BCAM: variants seen among roughly 807,000 people sequenced by gnomAD.
BCAM encodes the protein basal cell adhesion molecule.
Under a neutral mutation model 72.4 loss-of-function variants are expected in BCAM, and 61 were observed. The observed-to-expected ratio is 0.84, with a 90% CI of 0.69 to 1.04. The LOEUF (loss-of-function observed/expected upper bound fraction) is 1.04. BCAM is among the 50% of genes least tolerant of loss of function. The probability of loss-of-function intolerance (pLI) is 0.00; values close to 1 mark genes in which losing one functional copy is unlikely to be tolerated. For missense variants in BCAM, 909 were observed against 895.0 expected, an observed-to-expected ratio of 1.02 and a Z score of -0.20; for synonymous variants, 408 against 384.2, an observed-to-expected ratio of 1.06 and a Z score of -0.73.
Position 44,818,773 on chromosome 19 carries a change from G to T in BCAM, c.1227G>T (p.Leu409=), listed in dbSNP as rs28399629. 3.1e-3 allele frequency: 4,958 copies of T among 1,614,074 alleles called. 144 individuals are homozygous for T. In the African/African-American group the frequency reaches 0.06, roughly 20 times the overall value. ...CTCCCCTGGGCGATGGCCCCATGCT[G>T]TCGCTCAGTTCTATCACCTTCGATT... ...DSTPLGDGPM[L]SLSSITFDSN... Residue 409 remains leucine, a synonymous_variant, in exon 10 of 15, where the codon CTG becomes CTT. Coordinates refer to ENST00000270233, the MANE Select transcript of BCAM (RefSeq NM_005581.5). The surrounding 1 kb of genome is among the most constrained non-coding windows in gnomAD (Gnocchi z 4.6).
intron 13 of BCAM, chr19:44,820,085 C>A: frequency 8.7e-7 from 1 of 1,146,260 alleles, no homozygotes. Context: ...ACCCTGCCCC[C>A]AATCTCCCCT....
At chr19:44,811,951 A>T (rs1208169127) in intron 2 of BCAM, 2 of 580,500 alleles carry the variant, frequency 3.4e-6, no homozygotes, top group Non-Finnish European at 6.0e-6. Context: ...AAGGGATGGG[A>T]CCGGAATGAG....
In BCAM at chr19:44,812,152, C is replaced by T. The variant is rs375887918; in HGVS notation, c.205-11C>T. On this transcript the variant is annotated splice_polypyrimidine_tract_variant and intron_variant, in intron 2 of 14. Coordinates refer to ENST00000270233, the MANE Select transcript of BCAM (RefSeq NM_005581.5). This position sits in a 1 kb window ranked among gnomAD's most constrained non-coding sequence, Gnocchi z 5.3. The stretch of plus-strand genomic sequence containing the variant: ...GACACCCGGAGCTGAGAGCCTGCCC[C>T]GCGCCCACAGACCGACCGCTCGGGA... The T allele has an allele frequency of 2.3e-5, 36 of 1,589,724 alleles. No homozygotes were observed. The highest frequency in any genetic ancestry group is 8.9e-5 in the Admixed American group (5 of 55,976).
Position 44,809,942 on chromosome 19 carries a change from C to G in BCAM, c.82+736C>G, listed in dbSNP as rs959549879. 1.2e-4 allele frequency among the ~76,000 whole-genome samples: 19 copies of G among 152,152 alleles called. 1 individual carries two copies. In the South Asian group the frequency reaches 2.9e-3, roughly 23 times the overall value. ...AGATTGGGGAAGAGAGAGGAACTCT[C>G]TGCCTCCACTTGTCTGCAGATCAGA... On this transcript the variant is annotated intron_variant, in intron 1 of 14. Transcript: ENST00000270233.
Position 44,812,806 on chromosome 19 carries a change from T to C in BCAM, c.504+258T>C. ...CTCTACTAAAGATACAAAAATTAGC[T>C]GGGTGTGTTGGTGTGCAACTGTAAT... On this transcript the variant is annotated intron_variant, in intron 4 of 14. Coordinates refer to ENST00000270233, the MANE Select transcript of BCAM (RefSeq NM_005581.5). The surrounding 1 kb of genome is among the most constrained non-coding windows in gnomAD (Gnocchi z 5.3). 1 of 493,696 alleles carries C rather than the reference T, an allele frequency of 2.0e-6. No homozygotes were observed. Among genetic ancestry groups the C allele is most frequent in the Admixed American group, 3.5e-5 (1 of 28,174 alleles). The allele number at this position is 493,696 out of a possible 1,614,324, so 30.6% of individuals were successfully genotyped here. A position where few individuals can be genotyped will look rare whatever the true frequency, so the allele number is the denominator to read the frequency against.
chr19:44,814,263 C>T lies in BCAM; in HGVS notation c.896C>T (p.Pro299Leu), dbSNP rs778105866. 67 of 1,595,766 alleles carry T rather than the reference C, an allele frequency of 4.2e-5. No individual in the cohort carries two copies. The highest frequency in any genetic ancestry group is 5.5e-5 in the Non-Finnish European group (65 of 1,175,774). ...TGCCGGGGGGACGGCAGCCCCAGCC[C>T]GGAGTATACGCTTTTCCGCCTTCAG... is the stretch of plus-strand genomic sequence containing the variant. ...LLCRGDGSPS[P>L]EYTLFRLQDE... The change falls in exon 7 of 15, where the codon CCG becomes CTG. Residue 299 changes from proline to leucine, a missense_variant. Transcript: ENST00000270233. This position sits in a 1 kb window ranked among gnomAD's most constrained non-coding sequence, Gnocchi z 4.6.
chr19:44,813,035 T>C lies in BCAM; in HGVS notation c.505-215T>C. The C allele has an allele frequency of 3.5e-6, 2 of 576,250 alleles. No homozygotes were observed. Among genetic ancestry groups the C allele is most frequent in the Non-Finnish European group, 6.1e-6 (2 of 328,000 alleles). The allele number at this position is 576,250 out of a possible 1,614,324, so 35.7% of individuals were successfully genotyped here. On this transcript the variant is annotated intron_variant, in intron 4 of 14. Coordinates refer to ENST00000270233, the MANE Select transcript of BCAM (RefSeq NM_005581.5). The surrounding 1 kb of genome is among the most constrained non-coding windows in gnomAD (Gnocchi z 4.2). ...TCCTGTGTCCTAGGAAGGAGAGAGCTGGGGGACCCAGAATCCTTGGTCCCT... is the reference window on the plus strand; with the variant it reads ...TCCTGTGTCCTAGGAAGGAGAGAGCCGGGGGACCCAGAATCCTTGGTCCCT...
Position 44,820,724 on chromosome 19 carries a change from C to T in BCAM, c.1783C>T (p.Leu595=). 5 of 1,441,722 alleles carry T rather than the reference C, an allele frequency of 3.5e-6. No individual in the cohort carries two copies. The highest frequency in any genetic ancestry group is 4.6e-6 in the Non-Finnish European group (5 of 1,091,326). The allele number at this position is 1,441,722 out of a possible 1,614,324, so 89.3% of individuals were successfully genotyped here. A position where few individuals can be genotyped will look rare whatever the true frequency, so the allele number is the denominator to read the frequency against. The change falls in exon 14 of 15, where the codon CTG becomes TTG. Residue 595 remains leucine (L), a synonymous_variant. Transcript: ENST00000270233. The part of the protein sequence containing the change: ...KGAPPPGEPG[L]SHSGSEQPEQ... ...CCCCAGGCCGCCAGGGGAGCCAGGG[C>T]TGAGCCACTCGGGGTCGGAGCAACC...
Position 44,813,108 on chromosome 19 carries a change from A to G in BCAM, c.505-142A>G. The G allele has an allele frequency of 1.1e-6, 1 of 872,112 alleles. No individual in the cohort carries two copies. Among genetic ancestry groups the G allele is most frequent in the Non-Finnish European group, 1.7e-6 (1 of 573,216 alleles). 54.0% of individuals were successfully genotyped at this position (872,112 alleles called of 1,614,324 possible). On this transcript the variant is annotated intron_variant, in intron 4 of 14. Coordinates refer to ENST00000270233, the MANE Select transcript of BCAM (RefSeq NM_005581.5). The surrounding 1 kb of genome is among the most constrained non-coding windows in gnomAD (Gnocchi z 4.2). ...GACTCTTTAGTCTGAGTCGGGGACTAGGAATTTGGACTCCTGGGTCCTGGG... is the reference window on the plus strand; with the variant it reads ...GACTCTTTAGTCTGAGTCGGGGACTGGGAATTTGGACTCCTGGGTCCTGGG...
chr19:44,811,908 G>A (rs1968426146), intron 2 of BCAM: 2 of 547,326 alleles, frequency 3.7e-6, no homozygotes, highest in Non-Finnish European at 6.4e-6. Flanking sequence ...AAGAAAATGA[G>A]AGACAATCGG....
chr19:44,811,883 C>CA (rs1373404100), intron 2 of BCAM: 754 of 487,742 alleles, frequency 1.5e-3, no homozygotes, highest in Middle Eastern at 2.7e-3. Flanking sequence ...GACTCTATCT[C>CA]AAAAAAAAAG....
rs770828608 is a variant in BCAM at position 44,818,868 on chromosome 19, C to A, written c.1322C>A (p.Thr441Lys). ...VPVLSRTQNF[T>K]LLVQGSPELK... The stretch of plus-strand genomic sequence containing the variant: ...GTCCTCAGCCGCACCCAGAACTTCA[C>A]GCTGCTGGTCCAAGGTTCAGGGGGC... The change falls in exon 10 of 15, where the codon ACG (threonine) becomes AAG (lysine). Residue 441 changes from threonine (T) to lysine (K), a missense_variant. Transcript: ENST00000270233. The surrounding 1 kb of genome is among the most constrained non-coding windows in gnomAD (Gnocchi z 4.6). 1.9e-6 allele frequency: 3 copies of A among 1,613,996 alleles called. No homozygotes were observed. Among genetic ancestry groups the A allele is most frequent in the Non-Finnish European group, 2.5e-6 (3 of 1,179,942 alleles).
Position 44,813,116 on chromosome 19 carries a change from G to T in BCAM, c.505-134G>T. 2 of 981,550 alleles carry T rather than the reference G, an allele frequency of 2.0e-6. No individual in the cohort carries two copies. The highest frequency in any genetic ancestry group is 1.5e-6 in the Non-Finnish European group (1 of 666,852). The allele number at this position is 981,550 out of a possible 1,614,324, so 60.8% of individuals were successfully genotyped here. A position where few individuals can be genotyped will look rare whatever the true frequency, so the allele number is the denominator to read the frequency against. On this transcript the variant is annotated intron_variant, in intron 4 of 14. Transcript: ENST00000270233. This position sits in a 1 kb window ranked among gnomAD's most constrained non-coding sequence, Gnocchi z 4.2. ...AGTCTGAGTCGGGGACTAGGAATTT[G>T]GACTCCTGGGTCCTGGGAGAGTCGG...
In BCAM at chr19:44,821,135, C is replaced by A. The variant is rs956026192; in HGVS notation, c.*214C>A. The A allele has an allele frequency of 8.7e-6, 5 of 577,104 alleles. No individual in the cohort carries two copies. The highest frequency in any genetic ancestry group is 5.9e-5 in the African/African-American group (3 of 51,134). The allele number at this position is 577,104 out of a possible 1,614,324, so 35.7% of individuals were successfully genotyped here. A position where few individuals can be genotyped will look rare whatever the true frequency, so the allele number is the denominator to read the frequency against. On this transcript the variant is annotated 3_prime_UTR_variant, in exon 15 of 15. Transcript: ENST00000270233. ...GGGAGGGTGGGTGGGTGGGAGGGGG[C>A]CTTCCTCCAGGGAATGTGACTCTCC...
In BCAM at chr19:44,814,142, CT is replaced by C; in HGVS notation, c.785-8del. 6.3e-7 allele frequency: 1 copy of C among 1,576,656 alleles called. No homozygotes were observed. Among genetic ancestry groups the C allele is most frequent in the Non-Finnish European group, 8.6e-7 (1 of 1,168,716 alleles). On this transcript the variant is annotated splice_polypyrimidine_tract_variant and intron_variant, in intron 6 of 14. Coordinates refer to ENST00000270233, the MANE Select transcript of BCAM (RefSeq NM_005581.5). This position sits in a 1 kb window ranked among gnomAD's most constrained non-coding sequence, Gnocchi z 4.6. The stretch of plus-strand genomic sequence containing the variant: ...TGATCACAATTCCCATCTCCCTGCC[CT>C]TCCCTTAGATCCCACGGAGCACGTG...
At chr19:44,811,560 C>T (rs117388796) in intron 2 of BCAM, 26 of 659,448 alleles carry the variant, frequency 3.9e-5, no homozygotes, top group Non-Finnish European at 3.9e-5. Context: ...CTCTGGACTG[C>T]GGGCTCTTGA....
Position 44,818,782 on chromosome 19 carries a change from TTC to T in BCAM, c.1238_1239del (p.Ser413TyrfsTer12). On this transcript the variant is annotated frameshift_variant, in exon 10 of 15. Transcript: ENST00000270233. LOFTEE classifies it high-confidence loss of function. The surrounding 1 kb of genome is among the most constrained non-coding windows in gnomAD (Gnocchi z 4.6). ...GCGATGGCCCCATGCTGTCGCTCAG[TTC>T]TATCACCTTCGATTCCAATGGCACC... ...LGDGPMLSLS[S>X]ITFDSNGTYV... 5 of 1,614,098 alleles carry T rather than the reference TTC, an allele frequency of 3.1e-6. No homozygotes were observed. Among genetic ancestry groups the T allele is most frequent in the Non-Finnish European group, 4.2e-6 (5 of 1,180,010 alleles).
Position 44,819,047 on chromosome 19 carries a change from C to A in BCAM, c.1337-9C>A. On this transcript the variant is annotated splice_polypyrimidine_tract_variant and intron_variant, in intron 10 of 14. Transcript: ENST00000270233. ...CCCTTCACTTTCTTCCCATCCCCAC[C>A]ACCCACAGGCTCGCCAGAGCTAAAG... 1.2e-6 allele frequency: 2 copies of A among 1,613,472 alleles called. No homozygotes were observed. The highest frequency in any genetic ancestry group is 1.7e-6 in the Non-Finnish European group (2 of 1,179,576).
In BCAM at chr19:44,814,678, C is replaced by A; in HGVS notation, c.996C>A (p.Ser332Arg). ...TGGAGGGAGTGACCCGGGGCCAGAG[C>A]GGGACCTATGGCTGCAGAGTGGAGG... ...LTLEGVTRGQ[S>R]GTYGCRVEDY... The change falls in exon 8 of 15, where the codon AGC (serine) becomes AGA (arginine). Residue 332 changes from serine (S) to arginine (R), a missense_variant. Transcript: ENST00000270233. The surrounding 1 kb of genome is among the most constrained non-coding windows in gnomAD (Gnocchi z 4.6). 1.9e-6 allele frequency: 3 copies of A among 1,614,020 alleles called. No homozygotes were observed. The highest frequency in any genetic ancestry group is 1.1e-5 in the South Asian group (1 of 91,086).
Sources: gnomAD v4.1 joint callset for allele counts (sites outside exome capture counted in the v4.1 genomes callset) on GRCh38, gnomAD v4.1.1 for gene constraint, Gnocchi (gnomAD v3.1) non-coding constraint, MANE v1.5 for transcripts, NCBI Gene and HGNC (gene_info 2026-07-23, HGNC 2026-07-21) for gene names.